USH2A: variants seen among roughly 807,000 people sequenced by gnomAD.
The protein encoded by USH2A is usherin, also known as Usher syndrome 2A (autosomal recessive, mild).
Under a neutral mutation model 538.9 loss-of-function variants are expected in USH2A, and 443 were observed. That is an observed-to-expected ratio of 0.82 (90% CI 0.76 to 0.89). The LOEUF (loss-of-function observed/expected upper bound fraction) is 0.89. Among genes scored for constraint, USH2A ranks in the 40% least tolerant of loss-of-function variants. The probability of loss-of-function intolerance (pLI) is 0.00; values close to 1 mark genes in which losing one functional copy is unlikely to be tolerated. For missense variants in USH2A, 6,633 were observed against 6,324.8 expected (o/e 1.05, Z -1.65); for synonymous variants, 2,413 against 2,273.5 (o/e 1.06, Z -1.75).
At chr1:215,698,269 A>C (rs181706758) in intron 61 of USH2A, among the ~76,000 whole-genome samples, 14 of 152,282 alleles carry the variant, frequency 9.2e-5, no homozygotes, top group Admixed American at 9.2e-4. Context: ...GATATTGTGA[A>C]TAGTGCCACA....
chr1:215,675,576 C>G lies in USH2A; in HGVS notation c.12335G>C (p.Gly4112Ala), dbSNP rs543780464. Residue 4112 changes from glycine (G) to alanine (A), a missense_variant, in exon 63 of 72, where the codon GGT becomes GCT. Physicochemically the swap from Gly to Ala is moderately conservative, Grantham distance 60. Transcript: ENST00000307340. Reference sequence around the variant, plus strand: ...GCGGAAGAGAAACTGACGATTCAAACCAGAGTACTCCAGGAACCCGTCACT... The same window carrying G: ...GCGGAAGAGAAACTGACGATTCAAAGCAGAGTACTCCAGGAACCCGTCACT... ...IFSDGFLEYS[G>A]LNRQFLFRRL... The G allele has an allele frequency of 6.2e-7, 1 of 1,614,068 alleles. No homozygotes were observed. The highest frequency in any genetic ancestry group is 1.1e-5 in the South Asian group (1 of 91,070).
chr1:216,199,812 T>C lies in USH2A; in HGVS notation c.3626A>G (p.Asn1209Ser), dbSNP rs777417269. The C allele has an allele frequency of 2.5e-6, 4 of 1,614,160 alleles. No homozygotes were observed. In the South Asian group the frequency reaches 4.4e-5, roughly 18 times the overall value. Residue 1209 changes from asparagine (N) to serine (S), a missense_variant, in exon 17 of 72, where the codon AAT becomes AGT. Physicochemically the swap from Asn to Ser is conservative, Grantham distance 46. Coordinates refer to ENST00000307340, the MANE Select transcript of USH2A (RefSeq NM_206933.4). ...EGHETSATIW[N>S]LVPFAKYDFS... ...ATCGTACTTGGCAAATGGAACCAGA[T>C]TCCAGATGGTAGCTGAGGTTTCATG...
chr1:215,857,210 G>A (rs919437897), intron 44 of USH2A, among the ~76,000 whole-genome samples: 1 of 152,032 alleles, frequency 6.6e-6, no homozygotes, highest in Non-Finnish European at 1.5e-5. Context: ...AATTAAAAAG[G>A]GATAAGGAAG....
chr1:216,078,274 C>T lies in USH2A; in HGVS notation c.5387G>A (p.Cys1796Tyr), dbSNP rs1265106250. ...AATGACTTTATTCCACTTTCCATTA[C>T]AATAGGATAGCCCCAGCAATAGATC... is the stretch of plus-strand genomic sequence containing the variant. ...QVDLLLGLSY[C>Y]NGKWNKVIIK... Residue 1796 changes from cysteine to tyrosine, a missense_variant, in exon 27 of 72, where the codon TGT becomes TAT. Cys to Tyr is a radical substitution (Grantham distance 194, BLOSUM62 -2). Transcript: ENST00000307340. 2 of 1,613,742 alleles carry T rather than the reference C, an allele frequency of 1.2e-6. No homozygotes were observed. Among genetic ancestry groups the T allele is most frequent in the East Asian group, 2.2e-5 (1 of 44,874 alleles).
intron 18 of USH2A, among the ~76,000 whole-genome samples, chr1:216,197,141 A>C (rs545131944): frequency 6.6e-6 from 1 of 152,288 alleles, no homozygotes; most frequent in South Asian, 2.1e-4. Flanking sequence ...GAGCCAATCC[A>C]ATGCAGCTGG....
chr1:216,020,883 C>T (rs12049048), intron 32 of USH2A, among the ~76,000 whole-genome samples: 312 of 151,956 alleles, frequency 2.1e-3, no homozygotes, highest in African/African-American at 7.3e-3. Flanking sequence ...AGAGCATTTT[C>T]TTGAGTTCTG....
intron 61 of USH2A, among the ~76,000 whole-genome samples, chr1:215,725,445 C>T (rs919746733): frequency 6.6e-6 from 1 of 152,176 alleles, no homozygotes; most frequent in African/African-American, 2.4e-5. Flanking sequence ...CATAGTTGCC[C>T]TGATGCCCTG....
chr1:215,927,152 G>A (rs969180559), intron 38 of USH2A, among the ~76,000 whole-genome samples: 13 of 152,022 alleles, frequency 8.6e-5, no homozygotes, highest in African/African-American at 1.7e-4. Flanking sequence ...AACAGAAACC[G>A]TTTTCTATGA....
intron 22 of USH2A, among the ~76,000 whole-genome samples, chr1:216,090,090 G>T (rs2032259492): frequency 6.6e-6 from 1 of 151,762 alleles, no homozygotes; most frequent in Non-Finnish European, 1.5e-5. Context: ...CAAGAATAAA[G>T]CTCATTCTAA....
In USH2A at chr1:216,358,355, G is replaced by C. The variant is rs994621235; in HGVS notation, c.784+6598C>G. On this transcript the variant is annotated intron_variant, in intron 4 of 71. Coordinates refer to ENST00000307340, the MANE Select transcript of USH2A (RefSeq NM_206933.4). Reference sequence around the variant, plus strand: ...GTCTGTTCCAAAGCAGAGACAGCCGGCCTGGCACTGCATGAGAGCACCTTT... The same window carrying C: ...GTCTGTTCCAAAGCAGAGACAGCCGCCCTGGCACTGCATGAGAGCACCTTT... Among the ~76,000 whole-genome samples, 39 of 152,124 alleles carry C rather than the reference G, an allele frequency of 2.6e-4. 1 individual carries two copies. The highest frequency in any genetic ancestry group is 2.5e-3 in the Admixed American group (38 of 15,238).
At chr1:216,057,084 G>T (rs978178092) in intron 30 of USH2A, among the ~76,000 whole-genome samples, 4 of 151,956 alleles carry the variant, frequency 2.6e-5, no homozygotes, top group Non-Finnish European at 4.4e-5. Flanking sequence ...TTACCAAAAA[G>T]AAATGCAAAT....
At position 215,628,963 on chromosome 1, in the gene USH2A, G is replaced by C; in HGVS notation, c.15370C>G (p.Leu5124Val). Reference protein sequence around the residue: ...SIRSNRSACVLRIPSQNQTSL... With the variant: ...SIRSNRSACVVRIPSQNQTSL... Reference sequence around the variant, plus strand: ...GTTTGGTTTTGACTCGGGATGCGCAGGACACATGCACTCCGGTTGCTGCGG... The same window carrying C: ...GTTTGGTTTTGACTCGGGATGCGCACGACACATGCACTCCGGTTGCTGCGG... Residue 5124 changes from leucine (L) to valine (V), a missense_variant, in exon 71 of 72, where the codon CTG becomes GTG. Transcript: ENST00000307340. The C allele has an allele frequency of 1.9e-6, 3 of 1,614,106 alleles. No individual in the cohort carries two copies. Among genetic ancestry groups the C allele is most frequent in the Non-Finnish European group, 2.5e-6 (3 of 1,180,046 alleles).
intron 21 of USH2A, among the ~76,000 whole-genome samples, chr1:216,131,103 T>G (rs2033367621): frequency 6.6e-6 from 1 of 152,086 alleles, no homozygotes; most frequent in Non-Finnish European, 1.5e-5. Flanking sequence ...CCACTGTATA[T>G]CCTCTTTTGA....
At chr1:215,970,502 A>G in intron 36 of USH2A, 123 bp downstream of exon 36, 1 of 1,229,890 alleles carries the variant, frequency 8.1e-7, no homozygotes, top group East Asian at 2.4e-5. Flanking sequence ...AAAAAGAAAA[A>G]TCTCCCATCC....
At chr1:216,014,422 T>C (rs1668657041) in intron 32 of USH2A, among the ~76,000 whole-genome samples, 2 of 152,210 alleles carry the variant, frequency 1.3e-5, no homozygotes, top group South Asian at 4.1e-4. Flanking sequence ...ATGACAACTC[T>C]CCTCCTAGCT....
Position 216,323,620 on chromosome 1 carries a change from A to G in USH2A, c.1404T>C (p.Asn468=). 2 of 1,613,608 alleles carry G rather than the reference A, an allele frequency of 1.2e-6. No individual in the cohort carries two copies. The highest frequency in any genetic ancestry group is 1.7e-6 in the Non-Finnish European group (2 of 1,179,740). ...TPGPNYRPGY[N]NFYNTPSLQE... ...GAAGAGATGGGGTATTATAGAAGTT[A>G]TTGTATCCAGGACGATAATTTGGTC... is the stretch of plus-strand genomic sequence containing the variant. The change falls in exon 8 of 72, where the codon AAT becomes AAC. Residue 468 remains asparagine (N), a synonymous_variant. Transcript: ENST00000307340.
chr1:216,395,007 C>G (rs913392860), intron 3 of USH2A, among the ~76,000 whole-genome samples: 1 of 152,094 alleles, frequency 6.6e-6, no homozygotes, highest in Non-Finnish European at 1.5e-5. Context: ...CGTGAGCCAC[C>G]GCGCCCAGCC....
intron 60 of USH2A, among the ~76,000 whole-genome samples, chr1:215,735,767 T>A (rs982522676): frequency 6.6e-6 from 1 of 152,204 alleles, no homozygotes; most frequent in African/African-American, 2.4e-5. Context: ...CATACTGTTA[T>A]GCAAGCTGCT....
At chr1:216,300,644 T>G (rs534354699) in intron 9 of USH2A, among the ~76,000 whole-genome samples, 40 of 152,284 alleles carry the variant, frequency 2.6e-4, no homozygotes, top group African/African-American at 8.9e-4. Flanking sequence ...AGTATAGTGT[T>G]TCTTCGTTAC....
Sources: gnomAD v4.1 joint callset for allele counts (sites outside exome capture counted in the v4.1 genomes callset) on GRCh38, gnomAD v4.1.1 for gene constraint, MANE v1.5 for transcripts, NCBI Gene and HGNC (gene_info 2026-07-23, HGNC 2026-07-21) for gene names.